ANKRD29: variants seen among roughly 807,000 people sequenced by gnomAD.
The protein encoded by ANKRD29 is ankyrin repeat domain 29, also known as ankyrin repeat domain-containing protein 29.
A neutral mutation model predicts 38.0 loss-of-function variants in ANKRD29; 32 were observed. The observed-to-expected ratio is 0.84, with a 90% CI of 0.64 to 1.13. The LOEUF (loss-of-function observed/expected upper bound fraction) is 1.13, where lower values mean the gene tolerates loss of function less well. Among genes scored for constraint, ANKRD29 ranks in the 50% most tolerant of loss-of-function variants. The pLI is 0.00. For synonymous variants in ANKRD29, 135 were observed against 152.4 expected (o/e 0.89, Z 0.84); for missense variants, 357 against 377.9 (o/e 0.94, Z 0.46).
rs1456192284 is a variant in ANKRD29, at chr18:23,601,168, A to G, written c.*58T>C. ...AATTTCCAACACTGCTTGAAATGCA[A>G]TTTCTTTTTGGACAATGTGGTTAAG... is the stretch of plus-strand genomic sequence containing the variant. On this transcript the variant is annotated 3_prime_UTR_variant, in exon 10 of 10. Coordinates refer to ENST00000592179, the MANE Select transcript of ANKRD29 (RefSeq NM_173505.4). 21 of 1,495,862 alleles carry G rather than the reference A, an allele frequency of 1.4e-5. No homozygotes were observed. The East Asian group carries it at 2.9e-4, about 21-fold the overall frequency. 92.7% of individuals were successfully genotyped at this position (1,495,862 alleles called of 1,614,324 possible).
intron 1 of ANKRD29, among the ~76,000 whole-genome samples, chr18:23,657,084 C>T (rs1189749972): frequency 1.3e-5 from 2 of 152,246 alleles, no homozygotes; most frequent in African/African-American, 4.8e-5. Flanking sequence ...AGACTCAGGT[C>T]GTCCCACCTT....
In ANKRD29 at chr18:23,619,486, G is replaced by T; in HGVS notation, c.627+45C>A. On this transcript the variant is annotated intron_variant, in intron 7 of 9. Transcript: ENST00000592179. ...CAAGACCCGTTTTCTCCACACAGGC[G>T]CGCCGGGAGGCTTCGCTCTTTGGCC... is the stretch of plus-strand genomic sequence containing the variant. 4 of 1,516,364 alleles carry T rather than the reference G, an allele frequency of 2.6e-6. No homozygotes were observed. In the East Asian group the frequency reaches 9.5e-5, roughly 36 times the overall value. 93.9% of individuals were successfully genotyped at this position (1,516,364 alleles called of 1,614,324 possible).
chr18:23,637,217 A>C (rs1427138636), intron 4 of ANKRD29, among the ~76,000 whole-genome samples: 1 of 152,210 alleles, frequency 6.6e-6, no homozygotes, highest in Admixed American at 6.5e-5. Flanking sequence ...ATAGGACTTT[A>C]CTTTCTATTT....
intron 6 of ANKRD29, among the ~76,000 whole-genome samples, chr18:23,628,475 T>C (rs1167291869): frequency 6.6e-6 from 1 of 152,148 alleles, no homozygotes; most frequent in African/African-American, 2.4e-5. Context: ...TGAAATCAGC[T>C]TGACTTTTTC....
intron 6 of ANKRD29, among the ~76,000 whole-genome samples, chr18:23,629,139 C>T (rs1363266717): frequency 6.6e-5 from 10 of 152,222 alleles, no homozygotes; most frequent in South Asian, 2.1e-4. Flanking sequence ...CATGCGCCAC[C>T]GCGCCTGGCT....
chr18:23,639,556 G>A, intron 3 of ANKRD29, among the ~76,000 whole-genome samples: 1 of 138,250 alleles, frequency 7.2e-6, no homozygotes, highest in Non-Finnish European at 1.5e-5. Context: ...TTTTGAGACA[G>A]AGTCTTGCTC....
At chr18:23,638,825 A>G in intron 4 of ANKRD29, 24 bp downstream of exon 4, 1 of 1,580,288 alleles carries the variant, frequency 6.3e-7, no homozygotes, top group East Asian at 2.2e-5. Flanking sequence ...TCAACATAAT[A>G]CAAAATCAAG....
chr18:23,604,171 T>G (rs923894501), intron 9 of ANKRD29, among the ~76,000 whole-genome samples: 1 of 152,158 alleles, frequency 6.6e-6, no homozygotes, highest in Non-Finnish European at 1.5e-5. Flanking sequence ...GTTTTGGGAA[T>G]GCCTCTAAGA....
intron 6 of ANKRD29, among the ~76,000 whole-genome samples, chr18:23,622,428 G>A (rs567171211): frequency 2.0e-5 from 3 of 152,268 alleles, no homozygotes; most frequent in African/African-American, 4.8e-5. Context: ...CCAGAGGGCG[G>A]GCAGGGAGAG....
At chr18:23,646,676 A>G (rs7238623) in intron 2 of ANKRD29, 25,136 of 161,458 alleles carry the variant, frequency 0.16, 2,795 homozygotes, top group East Asian at 0.34. Context: ...CTGATTTTCC[A>G]TATTTAAAAG....
intron 8 of ANKRD29, among the ~76,000 whole-genome samples, chr18:23,612,776 G>C (rs767036809): frequency 1.3e-5 from 2 of 152,112 alleles, no homozygotes; most frequent in Non-Finnish European, 2.9e-5. Flanking sequence ...TCATAGGTCA[G>C]TTGTTAATGT....
chr18:23,628,833 CAAAAAA>C (rs60035025), intron 6 of ANKRD29, among the ~76,000 whole-genome samples: 5 of 128,992 alleles, frequency 3.9e-5, no homozygotes, highest in Admixed American at 7.4e-5. Flanking sequence ...GACGCTGTCT[CAAAAAA>C]AAAAAAAAAA....
intron 1 of ANKRD29, among the ~76,000 whole-genome samples, chr18:23,662,340 C>A (rs1613739): frequency 6.6e-6 from 1 of 152,082 alleles, no homozygotes; most frequent in African/African-American, 2.4e-5. Flanking sequence ...GCATGAGGAC[C>A]CAGAGGGTCA....
At chr18:23,646,395 G>A in intron 2 of ANKRD29, 108 bp from the exon 3 acceptor site, 1 of 862,948 alleles carries the variant, frequency 1.2e-6, no homozygotes, top group Non-Finnish European at 1.8e-6. Flanking sequence ...CACATCCAAG[G>A]GCAAAATTCC....
At chr18:23,640,000 C>A (rs758187765) in intron 3 of ANKRD29, among the ~76,000 whole-genome samples, 1 of 152,068 alleles carries the variant, frequency 6.6e-6, no homozygotes, top group Admixed American at 6.6e-5. Context: ...GTTGGTTGTA[C>A]CACATTATGA....
At chr18:23,601,830 C>T (rs1348294896) in intron 9 of ANKRD29, among the ~76,000 whole-genome samples, 1 of 151,876 alleles carries the variant, frequency 6.6e-6, no homozygotes, top group Non-Finnish European at 1.5e-5. Context: ...CCACTATGCT[C>T]GGCTAATTTC....
intron 2 of ANKRD29, chr18:23,647,648 T>G (rs1398187596): frequency 2.0e-5 from 3 of 152,102 alleles, no homozygotes; most frequent in African/African-American, 7.2e-5. Flanking sequence ...GCCTCCTGAG[T>G]AGCTGGGATT....
intron 6 of ANKRD29, among the ~76,000 whole-genome samples, chr18:23,623,537 C>A (rs576570902): frequency 6.6e-6 from 1 of 152,100 alleles, no homozygotes; most frequent in South Asian, 2.1e-4. Context: ...GTAATCCCAG[C>A]ACTTTGGGGG....
intron 6 of ANKRD29, 23 bp from the exon 7 acceptor site, chr18:23,619,652 C>T (rs1262373645): frequency 3.9e-6 from 6 of 1,533,086 alleles, no homozygotes; most frequent in African/African-American, 2.8e-5. Context: ...GAGGCGGCGG[C>T]CGCCGTGACT....
Sources: gnomAD v4.1 joint callset for allele counts (sites outside exome capture counted in the v4.1 genomes callset) on GRCh38, gnomAD v4.1.1 for gene constraint, MANE v1.5 for transcripts, NCBI Gene and HGNC (gene_info 2026-07-23, HGNC 2026-07-21) for gene names.